The following SYNDIG1 variants were observed in gnomAD, a reference collection of about 807,000 sequenced individuals.
SYNDIG1 encodes the protein synapse differentiation-inducing gene protein 1.
A neutral mutation model predicts 19.4 loss-of-function variants in SYNDIG1; 9 were observed. The ratio of observed to expected loss-of-function variants is 0.46; its 90% CI spans 0.28 to 0.81. The LOEUF (loss-of-function observed/expected upper bound fraction) is 0.81. SYNDIG1 is among the 30% of genes least tolerant of loss of function. The pLI is 0.12. For synonymous variants in SYNDIG1, 141 were observed against 145.9 expected, an observed-to-expected ratio of 0.97 and a Z score of 0.24; for missense variants, 311 against 343.3, an observed-to-expected ratio of 0.91 and a Z score of 0.74.
intron 1 of SYNDIG1, among the ~76,000 whole-genome samples, chr20:24,511,965 T>A (rs772358271): frequency 2.6e-5 from 4 of 151,912 alleles, no homozygotes; most frequent in Non-Finnish European, 5.9e-5. Flanking sequence ...TAGGCATTTA[T>A]GATTCAGCAT....
intron 2 of SYNDIG1, among the ~76,000 whole-genome samples, chr20:24,583,279 G>A (rs1019472978): frequency 6.6e-6 from 1 of 152,206 alleles, no homozygotes; most frequent in Non-Finnish European, 1.5e-5. Context: ...TGCACTCACG[G>A]GGTGGGCCCA....
intron 2 of SYNDIG1, among the ~76,000 whole-genome samples, chr20:24,582,523 G>A (rs1428466802): frequency 2.3e-5 from 3 of 128,082 alleles, no homozygotes; most frequent in African/African-American, 9.3e-5. Flanking sequence ...TATCCTCCAA[G>A]TGGCACACCC....
chr20:24,530,733 A>T (rs1210857706), intron 1 of SYNDIG1, among the ~76,000 whole-genome samples: 1 of 152,128 alleles, frequency 6.6e-6, no homozygotes, highest in African/African-American at 2.4e-5. Flanking sequence ...TACCTGTCAA[A>T]CATGCCAAAC....
intron 2 of SYNDIG1, among the ~76,000 whole-genome samples, chr20:24,578,921 G>A (rs2058276558): frequency 6.6e-6 from 1 of 152,218 alleles, no homozygotes; most frequent in South Asian, 2.1e-4. Flanking sequence ...GGAGTTCCCA[G>A]GAGGTATTCT....
chr20:24,507,379 T>C (rs1469903352), intron 1 of SYNDIG1, among the ~76,000 whole-genome samples: 1 of 152,220 alleles, frequency 6.6e-6, no homozygotes, highest in Non-Finnish European at 1.5e-5. Context: ...TCTCACGTGG[T>C]TCCTGAAGGA....
intron 1 of SYNDIG1, among the ~76,000 whole-genome samples, chr20:24,474,890 A>G (rs1453510518): frequency 6.6e-6 from 1 of 152,244 alleles, no homozygotes; most frequent in Non-Finnish European, 1.5e-5. Context: ...TGCCCAAAAC[A>G]AAACCAGAAA....
At chr20:24,635,395 C>T (rs899088722) in intron 3 of SYNDIG1, among the ~76,000 whole-genome samples, 1 of 152,204 alleles carries the variant, frequency 6.6e-6, no homozygotes, top group Non-Finnish European at 1.5e-5. Flanking sequence ...TTTCCGAACG[C>T]GCTCTTCATT....
chr20:24,530,769 AGTTTTGTGGGGG>A (rs1232479381), intron 1 of SYNDIG1, among the ~76,000 whole-genome samples: 1 of 150,950 alleles, frequency 6.6e-6, no homozygotes, highest in Non-Finnish European at 1.5e-5. Context: ...AACTGCAATT[AGTTTTGTGGGGG>A]GTTTTGTTTG....
chr20:24,604,679 AAG>A (rs2058727674), intron 3 of SYNDIG1, among the ~76,000 whole-genome samples: 1 of 152,190 alleles, frequency 6.6e-6, no homozygotes, highest in South Asian at 2.1e-4. Flanking sequence ...TAAGCATAAA[AAG>A]AGCCAACCAG....
chr20:24,624,264 A>G (rs1390049020), intron 3 of SYNDIG1, among the ~76,000 whole-genome samples: 2 of 151,850 alleles, frequency 1.3e-5, no homozygotes, highest in African/African-American at 4.8e-5. Flanking sequence ...TCAAAAAAAA[A>G]AAAAAAAAAT....
At chr20:24,631,055 G>A (rs1054440363) in intron 3 of SYNDIG1, among the ~76,000 whole-genome samples, 19 of 152,232 alleles carry the variant, frequency 1.2e-4, no homozygotes, top group African/African-American at 2.7e-4. Context: ...CCCACAGGGC[G>A]TGTTGTTATG....
chr20:24,661,325 G>A (rs1471260593), intron 3 of SYNDIG1, among the ~76,000 whole-genome samples: 5 of 130,194 alleles, frequency 3.8e-5, no homozygotes, highest in Non-Finnish European at 6.8e-5. Context: ...GGGAGGGAGG[G>A]AAGAGAGGGG....
At chr20:24,524,713 T>C (rs2057084440) in intron 1 of SYNDIG1, among the ~76,000 whole-genome samples, 2 of 152,156 alleles carry the variant, frequency 1.3e-5, no homozygotes, top group African/African-American at 4.8e-5. Context: ...TAAGATTCTT[T>C]TTGCTCTTTC....
intron 1 of SYNDIG1, among the ~76,000 whole-genome samples, chr20:24,518,352 C>T (rs1001082476): frequency 6.6e-6 from 1 of 151,996 alleles, no homozygotes; most frequent in Non-Finnish European, 1.5e-5. Flanking sequence ...TTTGCAGTCT[C>T]TACAGGCAGT....
chr20:24,648,928 TCTTG>T (rs2059444992), intron 3 of SYNDIG1, among the ~76,000 whole-genome samples: 2 of 152,218 alleles, frequency 1.3e-5, no homozygotes, highest in African/African-American at 4.8e-5. Context: ...TTCAGTTATA[TCTTG>T]GATATATCCT....
At chr20:24,482,362 C>T (rs1462163759) in intron 1 of SYNDIG1, among the ~76,000 whole-genome samples, 5 of 152,150 alleles carry the variant, frequency 3.3e-5, no homozygotes, top group African/African-American at 1.2e-4. Context: ...AGTCACCACG[C>T]CCGGCCGTGC....
chr20:24,640,473 A>G (rs902997573), intron 3 of SYNDIG1, among the ~76,000 whole-genome samples: 6 of 100,498 alleles, frequency 6.0e-5, no homozygotes, highest in South Asian at 8.5e-4. Context: ...AGGGAGGGAA[A>G]GAAGGAAGGA....
At chr20:24,643,047 A>G (rs969997907) in intron 3 of SYNDIG1, among the ~76,000 whole-genome samples, 1 of 152,202 alleles carries the variant, frequency 6.6e-6, no homozygotes, top group Non-Finnish European at 1.5e-5. Context: ...TTAAATATGT[A>G]GAAATATTTC....
intron 3 of SYNDIG1, among the ~76,000 whole-genome samples, chr20:24,612,175 T>A (rs1218923681): frequency 6.6e-6 from 1 of 152,244 alleles, no homozygotes; most frequent in Non-Finnish European, 1.5e-5. Context: ...AAATTCTTCA[T>A]TAATTCTCAT....
Sources: gnomAD v4.1 joint callset for allele counts (sites outside exome capture counted in the v4.1 genomes callset) on GRCh38, gnomAD v4.1.1 for gene constraint, MANE v1.5 for transcripts, NCBI Gene and HGNC (gene_info 2026-07-23, HGNC 2026-07-21) for gene names.